HMGXB4: variants seen among roughly 807,000 people sequenced by gnomAD.
HMGXB4 encodes the protein HMG domain-containing protein 4.
In HMGXB4, 27 loss-of-function variants were observed where a neutral mutation model predicts 63.9. The observed-to-expected ratio is 0.42, with a 90% CI of 0.31 to 0.58. The LOEUF (loss-of-function observed/expected upper bound fraction) is 0.58, where lower values mean the gene tolerates loss of function less well. HMGXB4 is among the 20% of genes least tolerant of loss of function. The pLI, the probability that HMGXB4 is intolerant of heterozygous loss-of-function variation, is 0.13. For synonymous variants in HMGXB4, 264 were observed against 265.3 expected, an observed-to-expected ratio of 0.99 and a Z score of 0.05; for missense variants, 624 against 700.7, an observed-to-expected ratio of 0.89 and a Z score of 1.24.
chr22:35,286,559 T>A (rs941687742), intron 7 of HMGXB4, among the ~76,000 whole-genome samples: 2 of 152,130 alleles, frequency 1.3e-5, no homozygotes, highest in Non-Finnish European at 2.9e-5. Context: ...TGATAAACAG[T>A]CATATCTGGG....
intron 5 of HMGXB4, among the ~76,000 whole-genome samples, chr22:35,278,229 A>G (rs1169693840): frequency 6.6e-6 from 1 of 152,096 alleles, no homozygotes; most frequent in Non-Finnish European, 1.5e-5. Flanking sequence ...GTCTAGATAT[A>G]CTACTACAAT....
At chr22:35,266,072 A>T (rs1014371594) in intron 5 of HMGXB4, among the ~76,000 whole-genome samples, 4 of 151,958 alleles carry the variant, frequency 2.6e-5, no homozygotes, top group Non-Finnish European at 4.4e-5. Flanking sequence ...TACAGGCATG[A>T]GCCACCATGC....
At position 35,295,029 on chromosome 22, in the gene HMGXB4, G is replaced by A. The variant is rs561470046; in HGVS notation, c.*1378G>A. The stretch of plus-strand genomic sequence containing the variant: ...TGCCCTTATTTCCAGAGAACCAGAC[G>A]TTTGTTTCCCAGTTGGAAAGAAGAC... On this transcript the variant is annotated 3_prime_UTR_variant, in exon 11 of 11. Coordinates refer to ENST00000216106, the MANE Select transcript of HMGXB4 (RefSeq NM_001003681.3). 4 of 152,304 alleles carry A rather than the reference G, an allele frequency of 2.6e-5. No individual in the cohort carries two copies. Among genetic ancestry groups the A allele is most frequent in the African/African-American group, 9.6e-5 (4 of 41,564 alleles). 9.4% of individuals were successfully genotyped at this position (152,304 alleles called of 1,614,324 possible).
intron 9 of HMGXB4, among the ~76,000 whole-genome samples, chr22:35,289,416 C>T (rs1924797935): frequency 6.6e-6 from 1 of 151,910 alleles, no homozygotes. Context: ...GCTATGATTG[C>T]TGCACTGCCC....
chr22:35,293,663 C>G lies in HMGXB4; in HGVS notation c.*12C>G, dbSNP rs1321852137. ...TGCCGGGACTGTGACAGCAAAGAAT[C>G]CTGGGACAGAAACCTTATCCTACAC... On this transcript the variant is annotated 3_prime_UTR_variant, in exon 11 of 11. Coordinates refer to ENST00000216106, the MANE Select transcript of HMGXB4 (RefSeq NM_001003681.3). The G allele has an allele frequency of 2.5e-6, 4 of 1,600,778 alleles. No individual in the cohort carries two copies. The African/African-American group carries it at 5.4e-5, about 21-fold the overall frequency.
chr22:35,284,857 G>A (rs1433661664), intron 6 of HMGXB4, among the ~76,000 whole-genome samples: 1 of 152,186 alleles, frequency 6.6e-6, no homozygotes, highest in African/African-American at 2.4e-5. Flanking sequence ...TTTGCCTAAT[G>A]TGTAAAATCG....
chr22:35,260,197 A>G (rs1051115366), intron 1 of HMGXB4, among the ~76,000 whole-genome samples: 35 of 152,224 alleles, frequency 2.3e-4, no homozygotes, highest in African/African-American at 8.2e-4. Flanking sequence ...TGTATTTATG[A>G]CATTGAATAT....
intron 7 of HMGXB4, chr22:35,286,895 TTATGA>T (rs36222597): frequency 0.51 from 75,848 of 149,130 alleles, 22,174 homozygotes; most frequent in Non-Finnish European, 0.65. Flanking sequence ...TCATTGAGAC[TTATGA>T]TATGAAGGTC....
At chr22:35,290,697 A>ATCCACTTTTGG (rs1379967582) in intron 9 of HMGXB4, among the ~76,000 whole-genome samples, 4 of 151,714 alleles carry the variant, frequency 2.6e-5, no homozygotes, top group African/African-American at 4.8e-5. Context: ...TCTCCCTCTA[A>ATCCACTTTTGG]TCCACTTTTG....
At chr22:35,268,062 C>T (rs915796705) in intron 5 of HMGXB4, among the ~76,000 whole-genome samples, 12 of 152,120 alleles carry the variant, frequency 7.9e-5, no homozygotes, top group Admixed American at 1.3e-4. Flanking sequence ...CCAGCCTGCG[C>T]GACAGCGTGA....
the HMGXB4 span, among the ~76,000 whole-genome samples, chr22:35,246,042 A>G: frequency 1.3e-5 from 2 of 151,942 alleles, no homozygotes; most frequent in African/African-American, 4.8e-5. Context: ...CATAATCTCC[A>G]CTGTCACTGT....
intron 5 of HMGXB4, among the ~76,000 whole-genome samples, chr22:35,274,755 T>C (rs1057369967): frequency 2.0e-5 from 3 of 152,186 alleles, no homozygotes; most frequent in Admixed American, 2.0e-4. Context: ...AAGTATAGAG[T>C]ACATGTAGAA....
chr22:35,249,152 G>A, the HMGXB4 span, among the ~76,000 whole-genome samples: 31 of 151,048 alleles, frequency 2.1e-4, 1 homozygote, highest in Admixed American at 1.6e-3. Context: ...TCTGCCTCCC[G>A]GATTCAAGTG....
chr22:35,252,013 G>C, the HMGXB4 span, among the ~76,000 whole-genome samples: 1 of 152,146 alleles, frequency 6.6e-6, no homozygotes, highest in Admixed American at 6.5e-5. Flanking sequence ...TCAGGAGTTA[G>C]AGACCAGCCT....
At chr22:35,248,797 G>A in the HMGXB4 span, among the ~76,000 whole-genome samples, 1 of 91,970 alleles carries the variant, frequency 1.1e-5, no homozygotes, top group Non-Finnish European at 3.1e-5. Context: ...CACTCATGAA[G>A]GATCCCCCCC....
intron 2 of HMGXB4, chr22:35,262,691 C>T: frequency 1.9e-6 from 1 of 537,476 alleles, no homozygotes; most frequent in Non-Finnish European, 3.3e-6. Flanking sequence ...CTTGCCAGCT[C>T]CAGTGTGCAG....
upstream of HMGXB4, among the ~76,000 whole-genome samples, chr22:35,256,450 G>A (rs1922407881): frequency 6.6e-6 from 1 of 151,986 alleles, no homozygotes; most frequent in East Asian, 1.9e-4. Context: ...CTACTCACAA[G>A]GAAGCCCATT....
the HMGXB4 span, among the ~76,000 whole-genome samples, chr22:35,248,419 T>TTTTC: frequency 6.7e-6 from 1 of 149,016 alleles, no homozygotes; most frequent in East Asian, 2.0e-4. Context: ...TTTTTTTTTT[T>TTTTC]TTTTGGAGAT....
At chr22:35,274,386 A>G (rs944193279) in intron 5 of HMGXB4, among the ~76,000 whole-genome samples, 1 of 152,232 alleles carries the variant, frequency 6.6e-6, no homozygotes, top group Non-Finnish European at 1.5e-5. Flanking sequence ...TGTAGAAGGC[A>G]GGAAGAATTG....
Sources: gnomAD v4.1 joint callset for allele counts (sites outside exome capture counted in the v4.1 genomes callset) on GRCh38, gnomAD v4.1.1 for gene constraint, MANE v1.5 for transcripts, NCBI Gene and HGNC (gene_info 2026-07-23, HGNC 2026-07-21) for gene names.